PDLIM1: variants seen among roughly 807,000 people sequenced by gnomAD.
The protein encoded by PDLIM1 is PDZ and LIM domain protein 1.
Under a neutral mutation model 35.2 loss-of-function variants are expected in PDLIM1, and 25 were observed. The observed-to-expected ratio is 0.71, with a 90% CI of 0.52 to 0.99. The LOEUF is 0.99. PDLIM1 is among the 50% of genes least tolerant of loss of function. PDLIM1 has a pLI of 0.00. For missense variants in PDLIM1, 363 were observed against 415.3 expected, an observed-to-expected ratio of 0.87 and a Z score of 1.09; for synonymous variants, 152 against 154.0, an observed-to-expected ratio of 0.99 and a Z score of 0.10.
intron 4 of PDLIM1, among the ~76,000 whole-genome samples, chr10:95,249,163 C>T (rs937864293): frequency 2.5e-4 from 38 of 152,200 alleles, no homozygotes; most frequent in African/African-American, 8.7e-4. Flanking sequence ...GGCAAGTGAA[C>T]GAACACTGCA....
At chr10:95,278,538 C>T (rs921905801) in intron 1 of PDLIM1, among the ~76,000 whole-genome samples, 22 of 151,778 alleles carry the variant, frequency 1.4e-4, no homozygotes, top group Admixed American at 2.6e-4. Flanking sequence ...TCACGGAACA[C>T]TCCCTGGAGG....
chr10:95,262,355 T>A (rs1056063468), intron 4 of PDLIM1, among the ~76,000 whole-genome samples: 2 of 152,112 alleles, frequency 1.3e-5, no homozygotes, highest in Non-Finnish European at 2.9e-5. Flanking sequence ...ATACAAAAAT[T>A]GATGATTCCA....
intron 5 of PDLIM1, among the ~76,000 whole-genome samples, chr10:95,246,873 T>C (rs2035225989): frequency 1.3e-5 from 2 of 152,142 alleles, no homozygotes; most frequent in South Asian, 2.1e-4. Flanking sequence ...ACCAAGGTAT[T>C]GTTTCTGGGC....
At chr10:95,259,055 G>T (rs749616959) in intron 4 of PDLIM1, among the ~76,000 whole-genome samples, 6 of 152,102 alleles carry the variant, frequency 3.9e-5, no homozygotes, top group Non-Finnish European at 8.8e-5. Context: ...GAAAAGGAGG[G>T]AAGCGAGTGT....
intron 4 of PDLIM1, among the ~76,000 whole-genome samples, chr10:95,259,190 T>C (rs768391769): frequency 2.6e-5 from 4 of 152,136 alleles, no homozygotes; most frequent in Non-Finnish European, 5.9e-5. Flanking sequence ...TTGAGGGAAA[T>C]TGGTAAAGGG....
chr10:95,270,824 C>T lies in PDLIM1; in HGVS notation c.248+809G>A, dbSNP rs146312181. 4.7e-3 allele frequency among the ~76,000 whole-genome samples: 721 copies of T among 152,104 alleles called. 7 individuals are homozygous for T. Among genetic ancestry groups the T allele is most frequent in the African/African-American group, 0.017 (685 of 41,498 alleles). The stretch of plus-strand genomic sequence containing the variant: ...GGAGTGCAGTGACGCCATCTCAGCT[C>T]ACTGCAAACTCTGCCTCCTGGGTTC... On this transcript the variant is annotated intron_variant, in intron 2 of 6. Transcript: ENST00000329399.
At chr10:95,276,896 TAAAAAAAAAAAAAAAA>T (rs61442624) in intron 1 of PDLIM1, among the ~76,000 whole-genome samples, 1 of 68,878 alleles carries the variant, frequency 1.5e-5, no homozygotes, top group Non-Finnish European at 2.6e-5. Context: ...TTCAGTTTCC[TAAAAAAAAAAAAAAAA>T]AAAAAAAAAA....
At chr10:95,274,691 A>T (rs1336926719) in intron 1 of PDLIM1, among the ~76,000 whole-genome samples, 1 of 152,128 alleles carries the variant, frequency 6.6e-6, no homozygotes, top group African/African-American at 2.4e-5. Flanking sequence ...TAATGTTGAA[A>T]GGCCTACTCA....
In PDLIM1 at chr10:95,264,043, G is replaced by A. The variant is rs201856929; in HGVS notation, c.354C>T (p.Ser118=). The A allele has an allele frequency of 1.4e-5, 23 of 1,613,444 alleles. No homozygotes were observed. The highest frequency in any genetic ancestry group is 2.7e-5 in the African/African-American group (2 of 74,886). Residue 118 remains serine, a synonymous_variant, in exon 4 of 7, where the codon AGC becomes AGT. Transcript: ENST00000329399. ...AGGGCATGGCACTTCGGTTGTGGGC[G>A]CTTCCTATGTGCAGGACCTCCTGCA... ...SEPQEVLHIG[S]AHNRSAMPFT... is the part of the protein sequence containing the mutation.
chr10:95,241,667 G>A (rs905066718), intron 5 of PDLIM1, among the ~76,000 whole-genome samples: 1 of 152,186 alleles, frequency 6.6e-6, no homozygotes. Context: ...CCTGACTTTA[G>A]CCAACGTGAG....
intron 5 of PDLIM1, chr10:95,238,920 AGC>A: frequency 2.3e-6 from 1 of 437,038 alleles, no homozygotes; most frequent in Non-Finnish European, 4.2e-6. Context: ...GACAATCCTA[AGC>A]AAAAACAATA....
At chr10:95,260,827 TTGTG>T (rs2035355157) in intron 4 of PDLIM1, among the ~76,000 whole-genome samples, 1 of 152,216 alleles carries the variant, frequency 6.6e-6, no homozygotes, top group Non-Finnish European at 1.5e-5. Context: ...CACTTGGGAC[TTGTG>T]CTGACTGAGC....
At chr10:95,245,149 C>G (rs948536141) in intron 5 of PDLIM1, among the ~76,000 whole-genome samples, 2 of 152,158 alleles carry the variant, frequency 1.3e-5, no homozygotes, top group Admixed American at 1.3e-4. Flanking sequence ...AAAAAGAATC[C>G]TAATTCCCAG....
At chr10:95,282,250 T>C (rs2035567306) in intron 1 of PDLIM1, among the ~76,000 whole-genome samples, 1 of 152,214 alleles carries the variant, frequency 6.6e-6, no homozygotes, top group Non-Finnish European at 1.5e-5. Context: ...GCCATTTACA[T>C]GTGGAATTTG....
intron 1 of PDLIM1, among the ~76,000 whole-genome samples, chr10:95,280,720 C>T (rs1273632535): frequency 2.6e-5 from 4 of 152,028 alleles, no homozygotes; most frequent in South Asian, 2.1e-4. Flanking sequence ...AGGGAAAAAC[C>T]GTGTCTATTC....
In PDLIM1 at chr10:95,238,015, A is replaced by C; in HGVS notation, c.900T>G (p.Phe300Leu). ...GTNLKQKGHF[F>L]VEDQIYCEKH... Reference sequence around the variant, plus strand: ...TCTCACAGTAGATTTGATCCTCCACAAAGAAATGGCCCTTCTGTTTCAGGT... The same window carrying C: ...TCTCACAGTAGATTTGATCCTCCACCAAGAAATGGCCCTTCTGTTTCAGGT... Residue 300 changes from phenylalanine (F) to leucine (L), a missense_variant, in exon 7 of 7, where the codon TTT becomes TTG. Transcript: ENST00000329399. The C allele has an allele frequency of 6.2e-7, 1 of 1,614,156 alleles. No individual in the cohort carries two copies. Among genetic ancestry groups the C allele is most frequent in the Non-Finnish European group, 8.5e-7 (1 of 1,180,026 alleles).
At chr10:95,283,235 T>G (rs1016059918) in intron 1 of PDLIM1, among the ~76,000 whole-genome samples, 2 of 152,196 alleles carry the variant, frequency 1.3e-5, no homozygotes, top group Non-Finnish European at 2.9e-5. Context: ...ATTTTTAATA[T>G]TTAATAGTTT....
At chr10:95,245,062 C>T (rs976312057) in intron 5 of PDLIM1, among the ~76,000 whole-genome samples, 2 of 152,222 alleles carry the variant, frequency 1.3e-5, no homozygotes, top group African/African-American at 2.4e-5. Flanking sequence ...GATTTGCTAT[C>T]TCCCTCTTCC....
At chr10:95,273,747 C>T (rs1313386364) in intron 1 of PDLIM1, among the ~76,000 whole-genome samples, 1 of 152,164 alleles carries the variant, frequency 6.6e-6, no homozygotes, top group Admixed American at 6.5e-5. Flanking sequence ...CAAGCACAGG[C>T]CGCTCTCATT....
Sources: allele counts gnomAD v4.1 joint callset (sites outside exome capture counted in the v4.1 genomes callset), GRCh38; gene constraint gnomAD v4.1.1; transcripts MANE v1.5; gene names NCBI Gene and HGNC (gene_info 2026-07-23, HGNC 2026-07-21).